Variants in TTC3 observed in about 807,000 individuals in gnomAD.
TTC3 encodes tetratricopeptide repeat domain 3, also known as E3 ubiquitin-protein ligase TTC3.
In TTC3, 180 loss-of-function variants were observed where a neutral mutation model predicts 249.6. The observed-to-expected ratio is 0.72, with a 90% CI of 0.64 to 0.82. The LOEUF is 0.82. TTC3 is among the 40% of genes least tolerant of loss of function. TTC3 has a pLI of 0.00. For synonymous variants in TTC3, 717 were observed against 805.0 expected (o/e 0.89, Z 1.85); for missense variants, 2,061 against 2,398.4 (o/e 0.86, Z 2.94).
chr21:37,129,115 A>C, intron 16 of TTC3, 52 bp downstream of exon 16: 1 of 1,358,854 alleles, frequency 7.4e-7, no homozygotes, highest in Non-Finnish European at 1.0e-6. Flanking sequence ...ACTCTTCCCA[A>C]GAAAAAGGAA....
chr21:37,143,444 A>G (rs1303956431), intron 20 of TTC3, among the ~76,000 whole-genome samples: 1 of 152,166 alleles, frequency 6.6e-6, no homozygotes, highest in East Asian at 1.9e-4. Flanking sequence ...ATATGAACAG[A>G]CACTTCTCAA....
At chr21:37,175,758 A>G (rs2082217181) in intron 35 of TTC3, among the ~76,000 whole-genome samples, 1 of 151,682 alleles carries the variant, frequency 6.6e-6, no homozygotes. Context: ...CCGGCGGAAA[A>G]GTGGCTTTTT....
rs145777166 is a variant in TTC3, at chr21:37,166,526, T to C, written c.4312T>C (p.Cys1438Arg). Residue 1438 changes from cysteine to arginine, a missense_variant, in exon 33 of 46, where the codon TGT becomes CGT. Around this residue, in one of 3 missense-constraint regions of TTC3, gnomAD observed 1,040 missense variants for 1,186.1 expected, o/e 0.88. Transcript: ENST00000355666. ...TGAGTCTAACAGAAATGATGAGCAC[T>C]GTGGAAATTCTAACAACAAATGTGA... The C allele has an allele frequency of 3.1e-6, 5 of 1,614,190 alleles. No individual in the cohort carries two copies. In the East Asian group the frequency reaches 1.1e-4, roughly 36 times the overall value.
intron 44 of TTC3, among the ~76,000 whole-genome samples, chr21:37,198,944 G>T (rs1023811554): frequency 6.6e-6 from 1 of 152,070 alleles, no homozygotes; most frequent in Non-Finnish European, 1.5e-5. Flanking sequence ...CAAGTTAAGT[G>T]TATATTTTTT....
In TTC3 at chr21:37,167,542, G is replaced by A. The variant is rs2000415; in HGVS notation, c.4402-13G>A. 0.35 allele frequency: 561,140 copies of A among 1,592,760 alleles called. 102,203 individuals are homozygous for A. The highest frequency in any genetic ancestry group is 0.53 in the South Asian group (47,495 of 89,712). ...TGAGATAAAGTGAATTTTATTTTTT[G>A]TTTTGCCCACAGGTATCTTGGAACA... On this transcript the variant is annotated splice_polypyrimidine_tract_variant and intron_variant, in intron 33 of 45. Transcript: ENST00000355666.
intron 12 of TTC3, among the ~76,000 whole-genome samples, chr21:37,122,464 T>A (rs2076698642): frequency 6.9e-6 from 1 of 145,864 alleles, no homozygotes; most frequent in South Asian, 2.1e-4. Context: ...ATGTTTTTTA[T>A]ATATATAGCA....
At chr21:37,166,267 C>G in exon 33 of TTC3, 3 of 1,614,094 alleles carry the variant, frequency 1.9e-6, no homozygotes, top group Non-Finnish European at 2.5e-6. Context: ...TATATACACC[C>G]TTGGCCAGCC....
At position 37,126,014 on chromosome 21, in the gene TTC3, A is replaced by AT; in HGVS notation, c.1234-66_1234-65insT. Reference sequence around the variant, plus strand: ...TATTCTATTCTAAATTCTTTTATATAGCTATTGAATTCTTCATGGCTGGGT... The same window carrying AT: ...TATTCTATTCTAAATTCTTTTATATATGCTATTGAATTCTTCATGGCTGGGT... On this transcript the variant is annotated intron_variant, in intron 14 of 45. Transcript: ENST00000355666. 5.5e-6 allele frequency: 8 copies of AT among 1,441,592 alleles called. No homozygotes were observed. The South Asian group carries it at 1.0e-4, about 18-fold the overall frequency. 89.3% of individuals were successfully genotyped at this position (1,441,592 alleles called of 1,614,324 possible). A position where few individuals can be genotyped will look rare whatever the true frequency, so the allele number is the denominator to read the frequency against.
chr21:37,090,320 T>TCATCCACAGTGGCC, intron 6 of TTC3, 34 bp downstream of exon 6: 1 of 1,555,160 alleles, frequency 6.4e-7, no homozygotes, highest in Non-Finnish European at 8.8e-7. Context: ...GCACAGCCAC[T>TCATCCACAGTGGCC]GTGGATGAGT....
intron 14 of TTC3, 54 bp from the exon 15 acceptor site, chr21:37,126,026 C>A: frequency 6.6e-7 from 1 of 1,521,018 alleles, no homozygotes; most frequent in Non-Finnish European, 8.9e-7. Flanking sequence ...CTATTGAATT[C>A]TTCATGGCTG....
intron 12 of TTC3, 56 bp downstream of exon 12, chr21:37,122,035 G>T: frequency 6.6e-7 from 1 of 1,504,496 alleles, no homozygotes; most frequent in Non-Finnish European, 8.9e-7. Context: ...AAACTTTGGA[G>T]GGTGGGTTTC....
intron 34 of TTC3, among the ~76,000 whole-genome samples, chr21:37,169,940 T>C (rs997477070): frequency 2.6e-5 from 4 of 151,936 alleles, no homozygotes; most frequent in African/African-American, 9.7e-5. Flanking sequence ...TGGATTGCCA[T>C]CTAGAAAAAA....
intron 16 of TTC3, among the ~76,000 whole-genome samples, chr21:37,129,479 T>C (rs1246477052): frequency 6.6e-6 from 1 of 152,218 alleles, no homozygotes; most frequent in Non-Finnish European, 1.5e-5. Context: ...GGAAACTTAC[T>C]CTGCATACGC....
intron 7 of TTC3, among the ~76,000 whole-genome samples, chr21:37,092,395 C>G (rs760562165): frequency 1.3e-5 from 2 of 152,110 alleles, no homozygotes; most frequent in Non-Finnish European, 2.9e-5. Flanking sequence ...TTTGGAGGCC[C>G]TTAATTATAA....
chr21:37,088,206 C>G lies in TTC3; in HGVS notation c.198C>G (p.Ile66Met). The change falls in exon 4 of 46, where the codon ATC (isoleucine) becomes ATG (methionine). Residue 66 changes from isoleucine (I) to methionine (M), a missense_variant. This residue lies in a region of TTC3 where 989 missense variants were observed against 1,145.1 expected (regional missense o/e 0.86). Transcript: ENST00000355666. ...TTTTTTTTAATTAAGAATTTGACAT[C>G]TGCAGTATATGGTGTAGTAAACCAA... The G allele has an allele frequency of 1.9e-6, 3 of 1,578,270 alleles. No individual in the cohort carries two copies. The East Asian group carries it at 6.7e-5, about 35-fold the overall frequency.
intron 16 of TTC3, among the ~76,000 whole-genome samples, chr21:37,131,630 G>A (rs1048073803): frequency 6.7e-6 from 1 of 148,366 alleles, no homozygotes; most frequent in Non-Finnish European, 1.5e-5. Flanking sequence ...TAGTCAGCAG[G>A]GCAGGAGTGT....
intron 32 of TTC3, 76 bp downstream of exon 32, chr21:37,164,291 G>T: frequency 6.1e-6 from 8 of 1,320,648 alleles, no homozygotes; most frequent in Non-Finnish European, 8.0e-6. Context: ...TGTTTAATTT[G>T]TGCCTGTTTT....
At chr21:37,112,289 G>T in intron 11 of TTC3, among the ~76,000 whole-genome samples, 1 of 152,176 alleles carries the variant, frequency 6.6e-6, no homozygotes. Flanking sequence ...AAAATTGATA[G>T]ACCGCTAGCA....
chr21:37,170,167 A>G (rs963422244), intron 34 of TTC3, among the ~76,000 whole-genome samples: 4 of 152,244 alleles, frequency 2.6e-5, no homozygotes, highest in African/African-American at 7.2e-5. Context: ...TATGACAACA[A>G]ATACATACAC....
Sources: gnomAD v4.1 joint callset for allele counts (sites outside exome capture counted in the v4.1 genomes callset) on GRCh38, gnomAD v4.1.1 for gene constraint, gnomAD v4.1.1 regional missense constraint, MANE v1.5 for transcripts, NCBI Gene and HGNC (gene_info 2026-07-23, HGNC 2026-07-21) for gene names.